PPARGC1A: variants seen among roughly 807,000 people sequenced by gnomAD.
PPARGC1A encodes the protein peroxisome proliferator-activated receptor gamma coactivator 1-alpha.
Under a neutral mutation model 88.7 loss-of-function variants are expected in PPARGC1A, and 25 were observed. That is an observed-to-expected ratio of 0.28 (90% CI 0.21 to 0.39). The LOEUF is 0.39. PPARGC1A is among the 10% of genes least tolerant of loss of function. PPARGC1A has a pLI of 1.00. For missense variants in PPARGC1A, 880 were observed against 968.7 expected, an observed-to-expected ratio of 0.91 and a Z score of 1.22; for synonymous variants, 363 against 355.6, an observed-to-expected ratio of 1.02 and a Z score of -0.24.
the PPARGC1A span, among the ~76,000 whole-genome samples, chr4:24,139,047 T>C: frequency 6.6e-6 from 1 of 152,208 alleles, no homozygotes; most frequent in Admixed American, 6.5e-5. Flanking sequence ...GTGCAGTTTT[T>C]CTTCCTTTGA....
At chr4:24,165,808 C>CT in the PPARGC1A span, among the ~76,000 whole-genome samples, 6,265 of 152,104 alleles carry the variant, frequency 0.041, 354 homozygotes, top group African/African-American at 0.12. Context: ...TTCTCCTCTC[C>CT]CTCTCCCTGT....
chr4:24,084,986 G>A, the PPARGC1A span, among the ~76,000 whole-genome samples: 1 of 152,124 alleles, frequency 6.6e-6, no homozygotes, highest in Non-Finnish European at 1.5e-5. Context: ...CTCAGGTGCT[G>A]GTTTTGACCC....
chr4:24,392,871 G>C, the PPARGC1A span, among the ~76,000 whole-genome samples: 2 of 152,070 alleles, frequency 1.3e-5, no homozygotes, highest in African/African-American at 4.8e-5. Flanking sequence ...TATAAAAACT[G>C]CAAGTATTTT....
the PPARGC1A span, among the ~76,000 whole-genome samples, chr4:24,006,715 T>C: frequency 6.6e-6 from 1 of 152,078 alleles, no homozygotes; most frequent in East Asian, 1.9e-4. Flanking sequence ...CCCAATTGCT[T>C]GAAAATTGAG....
the PPARGC1A span, among the ~76,000 whole-genome samples, chr4:24,340,878 A>G: frequency 6.6e-6 from 1 of 152,164 alleles, no homozygotes; most frequent in Admixed American, 6.5e-5. Flanking sequence ...ACTCCCACTG[A>G]CAAGCCAATG....
the PPARGC1A span, among the ~76,000 whole-genome samples, chr4:24,333,473 T>C: frequency 6.6e-6 from 1 of 152,260 alleles, no homozygotes; most frequent in Non-Finnish European, 1.5e-5. Flanking sequence ...TCTTCACTCG[T>C]TTTTATTCTG....
At chr4:23,975,436 G>A in the PPARGC1A span, among the ~76,000 whole-genome samples, 3 of 149,516 alleles carry the variant, frequency 2.0e-5, no homozygotes, top group Non-Finnish European at 4.4e-5. Context: ...TTTTTTTCCT[G>A]AGACAGAGTC....
At chr4:23,925,971 C>G in the PPARGC1A span, among the ~76,000 whole-genome samples, 2 of 152,180 alleles carry the variant, frequency 1.3e-5, no homozygotes, top group East Asian at 3.9e-4. Context: ...CTCCTAAGAC[C>G]GTATTTCTAC....
chr4:24,435,333 T>G, the PPARGC1A span, among the ~76,000 whole-genome samples: 4 of 152,202 alleles, frequency 2.6e-5, no homozygotes, highest in Non-Finnish European at 5.9e-5. Context: ...TGCTCTGCCC[T>G]CCAGTTGCAC....
At chr4:23,866,000 G>C (rs13113110) in intron 2 of PPARGC1A, 27,325 of 152,058 alleles carry the variant, frequency 0.18, 2,975 homozygotes, top group Middle Eastern at 0.3. Context: ...CTTAGAAGGT[G>C]GTGAATAATA....
At chr4:23,812,995 TA>T (rs1363954900) in intron 9 of PPARGC1A, 25 bp downstream of exon 9, 21 of 1,612,448 alleles carry the variant, frequency 1.3e-5, no homozygotes, top group Non-Finnish European at 1.7e-5. Context: ...TAAAGGGAGC[TA>T]AAGGAAAATG....
the PPARGC1A span, among the ~76,000 whole-genome samples, chr4:24,170,369 T>C: frequency 1.4e-4 from 22 of 152,242 alleles, no homozygotes; most frequent in Non-Finnish European, 2.6e-4. Flanking sequence ...TAATGTACTA[T>C]AAAGTATCTG....
At chr4:23,970,523 T>C in the PPARGC1A span, among the ~76,000 whole-genome samples, 1 of 152,214 alleles carries the variant, frequency 6.6e-6, no homozygotes, top group Non-Finnish European at 1.5e-5. Flanking sequence ...ACAGGCACTG[T>C]AATGCGTGGT....
chr4:24,037,900 T>A, the PPARGC1A span, among the ~76,000 whole-genome samples: 17 of 152,160 alleles, frequency 1.1e-4, no homozygotes, highest in South Asian at 6.2e-4. Context: ...AGAGCTTAGC[T>A]TGGTGCCTGA....
the PPARGC1A span, among the ~76,000 whole-genome samples, chr4:23,956,021 C>T: frequency 1.3e-5 from 2 of 152,056 alleles, no homozygotes; most frequent in Non-Finnish European, 2.9e-5. Context: ...ACAGGCATGG[C>T]TATCCAATAA....
At chr4:23,930,535 A>G in the PPARGC1A span, among the ~76,000 whole-genome samples, 1 of 152,340 alleles carries the variant, frequency 6.6e-6, no homozygotes, top group African/African-American at 2.4e-5. Flanking sequence ...CAAGGTATAA[A>G]AAAAGGTTTT....
chr4:23,816,313 G>A (rs1721975694), intron 7 of PPARGC1A, among the ~76,000 whole-genome samples: 2 of 152,046 alleles, frequency 1.3e-5, no homozygotes, highest in Non-Finnish European at 2.9e-5. Context: ...CAAAGGAAGT[G>A]ACTTACATGA....
intron 7 of PPARGC1A, among the ~76,000 whole-genome samples, chr4:23,824,028 C>T (rs1294363438): frequency 6.6e-6 from 1 of 152,022 alleles, no homozygotes; most frequent in Non-Finnish European, 1.5e-5. Context: ...GCAAGGGCAC[C>T]ATTTGCAACC....
the PPARGC1A span, among the ~76,000 whole-genome samples, chr4:24,051,187 C>CAAAAAAAAAAAAAAAAA: frequency 1.7e-5 from 1 of 58,618 alleles, no homozygotes; most frequent in African/African-American, 7.2e-5. Flanking sequence ...GACTCTGTCT[C>CAAAAAAAAAAAAAAAAA]AAAAAAAAAA....
Sources: gnomAD v4.1 joint callset for allele counts (sites outside exome capture counted in the v4.1 genomes callset) on GRCh38, gnomAD v4.1.1 for gene constraint, MANE v1.5 for transcripts, NCBI Gene and HGNC (gene_info 2026-07-23, HGNC 2026-07-21) for gene names.